The following NSD1 variants were observed in gnomAD, a reference collection of about 807,000 sequenced individuals.
The protein encoded by NSD1 is nuclear receptor binding SET domain protein 1.
Under a neutral mutation model 242.7 loss-of-function variants are expected in NSD1, and 26 were observed. The observed-to-expected ratio is 0.11, with a 90% CI of 0.08 to 0.15. NSD1 has a LOEUF of 0.15. Ranked by LOEUF, NSD1 falls within the 10% of genes least tolerant of loss-of-function variation. The pLI is 1.00. For missense variants in NSD1, 2,495 were observed against 3,272.8 expected (o/e 0.76, Z 5.80); for synonymous variants, 1,106 against 1,178.1 (o/e 0.94, Z 1.25).
At chr5:177,168,607 C>T (rs1357521513) in intron 2 of NSD1, among the ~76,000 whole-genome samples, 3 of 151,944 alleles carry the variant, frequency 2.0e-5, no homozygotes, top group African/African-American at 4.8e-5. Flanking sequence ...ATTACAGGTG[C>T]CCACCACCAC....
chr5:177,198,121 G>A (rs1762242943), intron 3 of NSD1, among the ~76,000 whole-genome samples: 2 of 152,068 alleles, frequency 1.3e-5, no homozygotes, highest in Admixed American at 6.6e-5. Context: ...GTGCTCCAGG[G>A]CTCCAGCACT....
At chr5:177,224,555 C>A (rs988573786) in intron 5 of NSD1, among the ~76,000 whole-genome samples, 1 of 151,616 alleles carries the variant, frequency 6.6e-6, no homozygotes, top group African/African-American at 2.4e-5. Flanking sequence ...TTGCTGAACT[C>A]ATCTCTGTTA....
At chr5:177,278,695 A>G (rs1209442945) in intron 17 of NSD1, among the ~76,000 whole-genome samples, 1 of 152,246 alleles carries the variant, frequency 6.6e-6, no homozygotes, top group Non-Finnish European at 1.5e-5. Flanking sequence ...GTGCTGTACT[A>G]TACATATATT....
intron 20 of NSD1, among the ~76,000 whole-genome samples, chr5:177,284,174 G>A (rs1759114787): frequency 6.6e-6 from 1 of 152,040 alleles, no homozygotes; most frequent in Admixed American, 6.6e-5. Flanking sequence ...CACAGCCCCT[G>A]GCAACTACCA....
rs1466421234 is a variant in NSD1, at chr5:177,135,566, AATTTTACTTGT to A, written c.464_474del (p.Asn155SerfsTer9). Reference sequence around the variant, plus strand: ...CAAGAATGGCTTTCTGCACTTTGAGAATTTTACTTGTGTGGACGATGCAGATGTAGATTCTG... The same window carrying A: ...CAAGAATGGCTTTCTGCACTTTGAGAGTGGACGATGCAGATGTAGATTCTG... On this transcript the variant is annotated frameshift_variant, in exon 2 of 23. Coordinates refer to ENST00000439151, the MANE Select transcript of NSD1 (RefSeq NM_022455.5). LOFTEE classifies it high-confidence loss of function. 6.2e-7 allele frequency: 1 copy of A among 1,614,094 alleles called. No individual in the cohort carries two copies. Among genetic ancestry groups the A allele is most frequent in the Non-Finnish European group, 8.5e-7 (1 of 1,180,058 alleles).
rs375503261 is a variant in NSD1, at chr5:177,267,741, A to G, written c.5303+23A>G. On this transcript the variant is annotated intron_variant, in intron 15 of 22. Coordinates refer to ENST00000439151, the MANE Select transcript of NSD1 (RefSeq NM_022455.5). ...CAGGTAAGCCTGAAGAATAGCACTCATCTCTTTTACCATCCTCTGTTTCTT... is the reference window on the plus strand; with the variant it reads ...CAGGTAAGCCTGAAGAATAGCACTCGTCTCTTTTACCATCCTCTGTTTCTT... 2.3e-5 allele frequency: 37 copies of G among 1,611,116 alleles called. No homozygotes were observed. In the African/African-American group the frequency reaches 3.9e-4, roughly 17 times the overall value.
At chr5:177,196,760 A>C (rs2149827325) in intron 3 of NSD1, among the ~76,000 whole-genome samples, 1 of 152,340 alleles carries the variant, frequency 6.6e-6, no homozygotes, top group Admixed American at 6.5e-5. Context: ...CATCTGTATG[A>C]AAGAGACTGA....
chr5:177,243,430 T>A (rs1766041695), intron 8 of NSD1, among the ~76,000 whole-genome samples: 1 of 152,198 alleles, frequency 6.6e-6, no homozygotes, highest in Non-Finnish European at 1.5e-5. Context: ...ATTCCTGACC[T>A]CAGGTGATCT....
chr5:177,192,078 T>A, intron 3 of NSD1, 59 bp downstream of exon 3: 1 of 1,421,166 alleles, frequency 7.0e-7, no homozygotes, highest in Non-Finnish European at 9.7e-7. Flanking sequence ...AACTCAATTT[T>A]TGTTATCTTA....
intron 2 of NSD1, among the ~76,000 whole-genome samples, chr5:177,177,876 A>G (rs976757791): frequency 6.6e-6 from 1 of 152,190 alleles, no homozygotes; most frequent in Admixed American, 6.6e-5. Context: ...TATTCTGTTA[A>G]TGCAAAAAAT....
At chr5:177,178,981 T>G (rs1310377879) in intron 2 of NSD1, among the ~76,000 whole-genome samples, 1 of 152,146 alleles carries the variant, frequency 6.6e-6, no homozygotes, top group Non-Finnish European at 1.5e-5. Flanking sequence ...CAAGAGATGT[T>G]TCTTTGAGCT....
At chr5:177,218,144 C>T (rs1409390614) in intron 5 of NSD1, among the ~76,000 whole-genome samples, 1 of 152,112 alleles carries the variant, frequency 6.6e-6, no homozygotes, top group African/African-American at 2.4e-5. Flanking sequence ...AACTTCTGAG[C>T]TCAAGTGATC....
chr5:177,196,159 G>A (rs1229460241), intron 3 of NSD1, among the ~76,000 whole-genome samples: 1 of 152,190 alleles, frequency 6.6e-6, no homozygotes, highest in African/African-American at 2.4e-5. Context: ...AGCTCACAGA[G>A]TAAGGGAGGG....
chr5:177,194,441 CT>C (rs749501540), intron 3 of NSD1, among the ~76,000 whole-genome samples: 209 of 118,560 alleles, frequency 1.8e-3, no homozygotes, highest in Admixed American at 2.6e-3. Context: ...CCACACATGG[CT>C]TTTTTTTTTT....
At chr5:177,136,233 T>C in intron 2 of NSD1, 1 of 542,026 alleles carries the variant, frequency 1.8e-6, no homozygotes, top group Non-Finnish European at 3.3e-6. Flanking sequence ...TTAAGCTTTT[T>C]CCAAATAACT....
intron 5 of NSD1, among the ~76,000 whole-genome samples, chr5:177,235,380 C>T (rs1403325383): frequency 1.3e-5 from 2 of 152,134 alleles, no homozygotes; most frequent in African/African-American, 4.8e-5. Flanking sequence ...GCAAATATTA[C>T]AAAATATGAA....
chr5:177,220,803 T>G (rs1020625402), intron 5 of NSD1, among the ~76,000 whole-genome samples: 6 of 152,066 alleles, frequency 3.9e-5, no homozygotes, highest in African/African-American at 1.4e-4. Context: ...GTGATCTTCC[T>G]CAAGTGATCC....
chr5:177,199,877 G>T (rs985136701), intron 3 of NSD1, among the ~76,000 whole-genome samples: 1 of 151,024 alleles, frequency 6.6e-6, no homozygotes, highest in African/African-American at 2.4e-5. Context: ...TTACAGGAGC[G>T]AGCCACCACG....
intron 22 of NSD1, among the ~76,000 whole-genome samples, chr5:177,293,534 G>GCC (rs149890561): frequency 2.3e-4 from 18 of 78,494 alleles, no homozygotes; most frequent in Non-Finnish European, 3.7e-4. Context: ...CCCCACCCCC[G>GCC]CCCCCCCCTC....
Sources: gnomAD v4.1 joint callset for allele counts (sites outside exome capture counted in the v4.1 genomes callset) on GRCh38, gnomAD v4.1.1 for gene constraint, MANE v1.5 for transcripts, NCBI Gene and HGNC (gene_info 2026-07-23, HGNC 2026-07-21) for gene names.